CCDC6: variants seen among roughly 807,000 people sequenced by gnomAD.
The protein encoded by CCDC6 is coiled-coil domain containing 6.
CCDC6 carries 20 observed loss-of-function variants against 56.6 expected under a neutral mutation model. The ratio of observed to expected loss-of-function variants is 0.35; its 90% CI spans 0.25 to 0.51. The LOEUF is 0.51. Among genes scored for constraint, CCDC6 ranks in the 20% least tolerant of loss-of-function variants. The probability of loss-of-function intolerance (pLI) is 0.95; values close to 1 mark genes in which losing one functional copy is unlikely to be tolerated. For missense variants in CCDC6, 367 were observed against 601.1 expected, an observed-to-expected ratio of 0.61 and a Z score of 4.07; for synonymous variants, 241 against 234.4, an observed-to-expected ratio of 1.03 and a Z score of -0.26.
intron 2 of CCDC6, among the ~76,000 whole-genome samples, chr10:59,850,795 C>T (rs929464176): frequency 7.2e-5 from 11 of 151,994 alleles, no homozygotes; most frequent in Admixed American, 6.6e-4. Context: ...TTAGAGGATG[C>T]TTGGAGCTTC....
At chr10:59,835,409 A>G (rs908481046) in intron 2 of CCDC6, among the ~76,000 whole-genome samples, 1 of 152,208 alleles carries the variant, frequency 6.6e-6, no homozygotes, top group African/African-American at 2.4e-5. Context: ...AAGACTATAG[A>G]TTGAACTAGT....
chr10:59,823,093 C>A (rs1294343991), intron 3 of CCDC6, among the ~76,000 whole-genome samples: 1 of 152,160 alleles, frequency 6.6e-6, no homozygotes, highest in East Asian at 1.9e-4. Flanking sequence ...CTTTCATCGG[C>A]AATAAAATCC....
chr10:59,889,187 T>C (rs1395299280), intron 1 of CCDC6, among the ~76,000 whole-genome samples: 3 of 152,286 alleles, frequency 2.0e-5, no homozygotes, highest in African/African-American at 4.8e-5. Context: ...CTGGAAGATA[T>C]TCAGGTGCAG....
chr10:59,887,561 T>C (rs2071391887), intron 1 of CCDC6, among the ~76,000 whole-genome samples: 1 of 151,574 alleles, frequency 6.6e-6, no homozygotes, highest in Admixed American at 6.6e-5. Context: ...TAATATCATA[T>C]ACGCCACCTT....
intron 5 of CCDC6, among the ~76,000 whole-genome samples, chr10:59,810,088 G>T (rs895138586): frequency 2.0e-5 from 3 of 152,160 alleles, no homozygotes; most frequent in African/African-American, 7.2e-5. Context: ...TTAAAAGCTG[G>T]CCAGGCGATG....
intron 1 of CCDC6, among the ~76,000 whole-genome samples, chr10:59,898,470 G>A (rs1258681500): frequency 6.6e-6 from 1 of 152,190 alleles, no homozygotes; most frequent in Non-Finnish European, 1.5e-5. Context: ...AAGCTGGAAG[G>A]TAAAATTCCC....
At chr10:59,850,017 C>G (rs377143069) in intron 2 of CCDC6, among the ~76,000 whole-genome samples, 70 of 152,202 alleles carry the variant, frequency 4.6e-4, no homozygotes, top group African/African-American at 1.6e-3. Flanking sequence ...CTGAACTGGA[C>G]AACAATAGAG....
intron 7 of CCDC6, among the ~76,000 whole-genome samples, chr10:59,795,786 T>C (rs1589032046): frequency 6.6e-6 from 1 of 152,138 alleles, no homozygotes. Flanking sequence ...TTCATCCATG[T>C]CTCTACAAAG....
At chr10:59,805,998 G>A (rs961714067) in intron 6 of CCDC6, among the ~76,000 whole-genome samples, 3 of 152,158 alleles carry the variant, frequency 2.0e-5, no homozygotes, top group Non-Finnish European at 4.4e-5. Flanking sequence ...ACAGCCATGA[G>A]TAGGCCTGGT....
intron 1 of CCDC6, among the ~76,000 whole-genome samples, chr10:59,882,071 G>GCGGGGAGAAGGAAAGGAAAGC (rs368170226): frequency 3.1e-5 from 1 of 32,118 alleles, no homozygotes; most frequent in Admixed American, 2.7e-4. Flanking sequence ...AAGGAAAGCC[G>GCGGGGAGAAGGAAAGGAAAGC]CGGGGAGAAG....
rs1309820944 is a variant in CCDC6, at chr10:59,788,833, G to T, written c.*4084C>A. On this transcript the variant is annotated 3_prime_UTR_variant, in exon 9 of 9. Coordinates refer to ENST00000263102, the MANE Select transcript of CCDC6 (RefSeq NM_005436.5). ...TGTATCAAAGACTAATCAACATAAA[G>T]GAGTAAATAAGACATTAATTGAAAG... 1.5e-5 allele frequency: 3 copies of T among 197,026 alleles called. No homozygotes were observed. The highest frequency in any genetic ancestry group is 3.2e-5 in the Non-Finnish European group (3 of 95,120). 12.2% of individuals were successfully genotyped at this position (197,026 alleles called of 1,614,324 possible).
chr10:59,841,860 G>A (rs1273237030), intron 2 of CCDC6, among the ~76,000 whole-genome samples: 1 of 151,422 alleles, frequency 6.6e-6, no homozygotes, highest in Non-Finnish European at 1.5e-5. Context: ...GTAGAGATGG[G>A]GTTTCACCAC....
chr10:59,807,127 C>A, intron 5 of CCDC6, 49 bp from the exon 6 acceptor site: 4 of 1,556,610 alleles, frequency 2.6e-6, no homozygotes, highest in Admixed American at 1.8e-5. Flanking sequence ...CAATCATATC[C>A]AAATCTAAAA....
intron 2 of CCDC6, among the ~76,000 whole-genome samples, chr10:59,848,595 T>C (rs1195097800): frequency 6.6e-6 from 1 of 152,186 alleles, no homozygotes; most frequent in East Asian, 1.9e-4. Flanking sequence ...GATCGCACCA[T>C]TGCACTCCAG....
In CCDC6 at chr10:59,791,927, T is replaced by C; in HGVS notation, c.*990A>G. 1 of 221,362 alleles carries C rather than the reference T, an allele frequency of 4.5e-6. No individual in the cohort carries two copies. Among genetic ancestry groups the C allele is most frequent in the Non-Finnish European group, 9.1e-6 (1 of 110,392 alleles). The allele number at this position is 221,362 out of a possible 1,614,324, so 13.7% of individuals were successfully genotyped here. On this transcript the variant is annotated 3_prime_UTR_variant, in exon 9 of 9. Coordinates refer to ENST00000263102, the MANE Select transcript of CCDC6 (RefSeq NM_005436.5). ...TTCTTTTCTGCCAAGCAATACAATA[T>C]TTTCTGGCCATTATGCCAAGATAAT... is the stretch of plus-strand genomic sequence containing the variant.
rs757205084 is a variant in CCDC6 at position 59,906,357 on chromosome 10, A to C, written c.68T>G (p.Met23Arg). The C allele has an allele frequency of 8.1e-6, 13 of 1,595,676 alleles. No homozygotes were observed. Among genetic ancestry groups the C allele is most frequent in the Non-Finnish European group, 1.1e-5 (13 of 1,178,152 alleles). Residue 23 changes from methionine (M) to arginine (R), a missense_variant, in exon 1 of 9, where the codon ATG (methionine) becomes AGG (arginine). By Grantham distance (91) the Met-to-Arg change is moderately conservative. Transcript: ENST00000263102. ...AGGNSSSSAA[M>R]QSSCSSTSGG... ...CGAGGTCGACGAGCAGGACGACTGC[A>C]TGGCGGCCGAGCTGCTGCTGTTGCC...
chr10:59,800,568 T>C (rs1445758739), intron 7 of CCDC6, among the ~76,000 whole-genome samples: 1 of 152,144 alleles, frequency 6.6e-6, no homozygotes, highest in Non-Finnish European at 1.5e-5. Context: ...GGGTATACAA[T>C]ATACACAATT....
intron 1 of CCDC6, among the ~76,000 whole-genome samples, chr10:59,886,999 C>T (rs550996608): frequency 6.6e-6 from 1 of 152,132 alleles, no homozygotes; most frequent in South Asian, 2.1e-4. Context: ...TAGTATGGGG[C>T]CACATATCTC....
intron 1 of CCDC6, among the ~76,000 whole-genome samples, chr10:59,854,005 T>C (rs767282527): frequency 2.6e-5 from 4 of 152,202 alleles, no homozygotes; most frequent in Non-Finnish European, 4.4e-5. Flanking sequence ...AATAACTTTT[T>C]AAACCACAAC....
Sources: allele counts gnomAD v4.1 joint callset (sites outside exome capture counted in the v4.1 genomes callset), GRCh38; gene constraint gnomAD v4.1.1; transcripts MANE v1.5; gene names NCBI Gene and HGNC (gene_info 2026-07-23, HGNC 2026-07-21).